The following WARS1 variants were observed in gnomAD, a reference collection of about 807,000 sequenced individuals.
WARS1 encodes tryptophan--tRNA ligase, cytoplasmic.
A neutral mutation model predicts 47.8 loss-of-function variants in WARS1; 17 were observed. The ratio of observed to expected loss-of-function variants is 0.36; its 90% CI spans 0.24 to 0.53. The LOEUF (loss-of-function observed/expected upper bound fraction) is 0.53. Ranked by LOEUF, WARS1 falls within the 20% of genes least tolerant of loss-of-function variation. The pLI is 0.91. For missense variants in WARS1, 434 were observed against 608.0 expected, an observed-to-expected ratio of 0.71 and a Z score of 3.01; for synonymous variants, 208 against 228.1, an observed-to-expected ratio of 0.91 and a Z score of 0.79.
chr14:100,366,840 A>G (rs1329162455), intron 2 of WARS1: 16 of 1,578,418 alleles, frequency 1.0e-5, no homozygotes, highest in Admixed American at 1.7e-5. Flanking sequence ...AAAGGATTCA[A>G]ATGGGGATTT....
At position 100,343,339 on chromosome 14, in the gene WARS1, G is replaced by A. The variant is rs941707983; in HGVS notation, c.875C>T (p.Ser292Leu). Residue 292 changes from serine (S) to leucine (L), a missense_variant, in exon 8 of 11, where the codon TCA (serine) becomes TTA (leucine). Coordinates refer to ENST00000392882, the MANE Select transcript of WARS1 (RefSeq NM_004184.4). ...AIQAAPSFSN[S>L]FPQIFRDRTD... ...CCTGTCTCGGAAGATCTGTGGGAAT[G>A]AGTTGCTGAAGGAGGGAGCAGCCTG... 1.2e-6 allele frequency: 2 copies of A among 1,613,500 alleles called. No homozygotes were observed. The highest frequency in any genetic ancestry group is 3.3e-5 in the Admixed American group (2 of 59,978).
At chr14:100,345,324 C>T (rs1361483619) in intron 7 of WARS1, among the ~76,000 whole-genome samples, 1 of 152,160 alleles carries the variant, frequency 6.6e-6, no homozygotes, top group Non-Finnish European at 1.5e-5. Flanking sequence ...TTGCTCTGTA[C>T]TAAGAAAAAT....
chr14:100,367,608 CAAAAAAAAA>C (rs35916618), intron 2 of WARS1, among the ~76,000 whole-genome samples: 1 of 29,770 alleles, frequency 3.4e-5, no homozygotes, highest in African/African-American at 1.4e-4. Flanking sequence ...GGTGGGGTGG[CAAAAAAAAA>C]AAAAAAAAAA....
chr14:100,360,547 C>A lies in WARS1; in HGVS notation c.422+7G>T, dbSNP rs766397966. ...GGTGAGAAGGCCTGTGGTGAAGAGCCCCTGACCTGTGTGAGAAGAAGATGC... is the reference window on the plus strand; with the variant it reads ...GGTGAGAAGGCCTGTGGTGAAGAGCACCTGACCTGTGTGAGAAGAAGATGC... On this transcript the variant is annotated splice_region_variant and intron_variant, in intron 4 of 10. Transcript: ENST00000392882. The A allele has an allele frequency of 6.2e-7, 1 of 1,609,648 alleles. No individual in the cohort carries two copies. The highest frequency in any genetic ancestry group is 8.5e-7 in the Non-Finnish European group (1 of 1,176,676).
intron 2 of WARS1, chr14:100,366,492 G>T: frequency 2.3e-6 from 1 of 427,552 alleles, no homozygotes; most frequent in Non-Finnish European, 4.3e-6. Flanking sequence ...CCTCTAATAT[G>T]AAAGGCAGGT....
chr14:100,370,157 T>G (rs1896258200), intron 1 of WARS1, among the ~76,000 whole-genome samples: 2 of 152,186 alleles, frequency 1.3e-5, no homozygotes, highest in South Asian at 4.1e-4. Context: ...AGTCTGTCCA[T>G]TCCACGTGCT....
intron 2 of WARS1, chr14:100,366,755 C>A: frequency 1.1e-6 from 1 of 929,734 alleles, no homozygotes. Context: ...GCTAAGGGAT[C>A]CGTGGGGCCA....
At chr14:100,367,069 G>A (rs1298680579) in intron 2 of WARS1, 9 of 671,064 alleles carry the variant, frequency 1.3e-5, no homozygotes, top group Non-Finnish European at 2.2e-5. Context: ...ATCTCAGAGA[G>A]AAAAGGGTGG....
At chr14:100,335,742 A>G (rs1482084351) in intron 10 of WARS1, among the ~76,000 whole-genome samples, 1 of 152,144 alleles carries the variant, frequency 6.6e-6, no homozygotes, top group East Asian at 1.9e-4. Context: ...AGCAAATTTA[A>G]TAAAGTACCC....
At position 100,340,917 on chromosome 14, in the gene WARS1, CT is replaced by C. The variant is rs71113263; in HGVS notation, c.1113+1480del. ...TAAACAAGTTTTTCTTTTTTCTTTTCTTTTTTTTTTTTTTTGAGCTGGAGTC... is the reference window on the plus strand; with the variant it reads ...TAAACAAGTTTTTCTTTTTTCTTTTCTTTTTTTTTTTTTTGAGCTGGAGTC... On this transcript the variant is annotated intron_variant, in intron 9 of 10. Transcript: ENST00000392882. Among the ~76,000 whole-genome samples the C allele has an allele frequency of 3.3e-3, 458 of 137,206 alleles. 1 individual carries two copies. The highest frequency in any genetic ancestry group is 9.7e-3 in the African/African-American group (365 of 37,572). 90.0% of individuals were successfully genotyped at this position (137,206 alleles called of 152,430 possible).
rs3994912 is a variant in WARS1, at chr14:100,373,953, C to T, written c.-74+1330G>A. 104,937 of 151,928 alleles carry T rather than the reference C, an allele frequency of 0.69. 37,418 individuals carry two copies. The highest frequency in any genetic ancestry group is 0.81 in the Admixed American group (12,385 of 15,274). The allele number at this position is 151,928 out of a possible 1,614,324, so 9.4% of individuals were successfully genotyped here. A position where few individuals can be genotyped will look rare whatever the true frequency, so the allele number is the denominator to read the frequency against. On this transcript the variant is annotated intron_variant, in intron 1 of 10. Coordinates refer to ENST00000392882, the MANE Select transcript of WARS1 (RefSeq NM_004184.4). The surrounding 1 kb of genome is among the most constrained non-coding windows in gnomAD (Gnocchi z 4.4). ...CGCATTTATGAGTTTACCCCATTTC[C>T]TGTGTAAATGTTCTTCTTCCCCCTA...
Position 100,335,176 on chromosome 14 carries a change from T to C in WARS1, c.1255-140A>G, listed in dbSNP as rs114646752. ...GGCACTCAGAAGTGAGATCTGTTGTTACCACAACAATAACCTATACCTTCA... is the reference window on the plus strand; with the variant it reads ...GGCACTCAGAAGTGAGATCTGTTGTCACCACAACAATAACCTATACCTTCA... On this transcript the variant is annotated intron_variant, in intron 10 of 10. Coordinates refer to ENST00000392882, the MANE Select transcript of WARS1 (RefSeq NM_004184.4). 487 of 717,836 alleles carry C rather than the reference T, an allele frequency of 6.8e-4. 3 individuals carry two copies. The African/African-American group carries it at 7.9e-3, about 12-fold the overall frequency. The allele number at this position is 717,836 out of a possible 1,614,324, so 44.5% of individuals were successfully genotyped here.
At chr14:100,343,486 C>T in intron 7 of WARS1, 99 bp from the exon 8 acceptor site, 1 of 806,216 alleles carries the variant, frequency 1.2e-6, no homozygotes, top group South Asian at 1.9e-5. Context: ...CATTATAAAA[C>T]AATCATTAAA....
chr14:100,366,208 C>T (rs1895983239), intron 2 of WARS1: 1 of 427,746 alleles, frequency 2.3e-6, no homozygotes, highest in African/African-American at 2.0e-5. Flanking sequence ...CCTTCTCTCC[C>T]ACTCAGCCGT....
intron 1 of WARS1, among the ~76,000 whole-genome samples, chr14:100,372,142 C>T (rs1028373842): frequency 2.6e-5 from 4 of 152,030 alleles, no homozygotes; most frequent in Non-Finnish European, 4.4e-5. Flanking sequence ...TATAAAACGG[C>T]CCCACTCCTA....
chr14:100,372,384 A>G (rs988650080), intron 1 of WARS1, among the ~76,000 whole-genome samples: 1 of 152,248 alleles, frequency 6.6e-6, no homozygotes, highest in African/African-American at 2.4e-5. Context: ...ATTCAATGAA[A>G]CTATAATACT....
At chr14:100,361,393 C>A in intron 3 of WARS1, among the ~76,000 whole-genome samples, 1 of 152,156 alleles carries the variant, frequency 6.6e-6, no homozygotes, top group East Asian at 1.9e-4. Flanking sequence ...GACTTGTAGC[C>A]ACTAAATGTT....
At chr14:100,339,596 A>AAC (rs1324033093) in intron 9 of WARS1, among the ~76,000 whole-genome samples, 1 of 151,214 alleles carries the variant, frequency 6.6e-6, no homozygotes, top group Non-Finnish European at 1.5e-5. Flanking sequence ...GTCTCAAAAA[A>AAC]AAAAAAAAAA....
chr14:100,354,406 T>C, intron 5 of WARS1, 41 bp downstream of exon 5: 1 of 1,591,444 alleles, frequency 6.3e-7, no homozygotes, highest in South Asian at 1.1e-5. Flanking sequence ...CATTCTCAAT[T>C]CACTAAGAGA....
Sources: gnomAD v4.1 joint callset for allele counts (sites outside exome capture counted in the v4.1 genomes callset) on GRCh38, gnomAD v4.1.1 for gene constraint, Gnocchi (gnomAD v3.1) non-coding constraint, MANE v1.5 for transcripts, NCBI Gene and HGNC (gene_info 2026-07-23, HGNC 2026-07-21) for gene names.